The following COP1 variants were observed in gnomAD, a reference collection of about 807,000 sequenced individuals.
COP1 encodes COP1 E3 ubiquitin ligase.
Under a neutral mutation model 101.3 loss-of-function variants are expected in COP1, and 24 were observed. That is an observed-to-expected ratio of 0.24 (90% CI 0.17 to 0.33). COP1 has a LOEUF of 0.33. Among genes scored for constraint, COP1 ranks in the 10% least tolerant of loss-of-function variants. The pLI, the probability that COP1 is intolerant of heterozygous loss-of-function variation, is 1.00. For synonymous variants in COP1, 347 were observed against 341.9 expected (o/e 1.01, Z -0.17); for missense variants, 663 against 906.2 (o/e 0.73, Z 3.45).
chr1:176,001,142 C>G (rs1415994150), intron 15 of COP1, among the ~76,000 whole-genome samples: 4 of 152,066 alleles, frequency 2.6e-5, no homozygotes, highest in African/African-American at 9.7e-5. Context: ...TGAACACTCT[C>G]TTCAAGGCTA....
At chr1:176,051,757 C>T (rs1301862136) in intron 11 of COP1, among the ~76,000 whole-genome samples, 2 of 151,742 alleles carry the variant, frequency 1.3e-5, no homozygotes, top group African/African-American at 2.4e-5. Flanking sequence ...CGTATGTAGG[C>T]CTAGGCTAAT....
At chr1:176,023,742 AAAG>A (rs1226295672) in intron 15 of COP1, among the ~76,000 whole-genome samples, 1 of 151,440 alleles carries the variant, frequency 6.6e-6, no homozygotes, top group East Asian at 1.9e-4. Context: ...AAAAAAAAGA[AAAG>A]AAAAGAAAAG....
chr1:176,165,905 T>G (rs1450214984), intron 3 of COP1, among the ~76,000 whole-genome samples: 1 of 152,072 alleles, frequency 6.6e-6, no homozygotes, highest in Non-Finnish European at 1.5e-5. Context: ...TCAGTGGGAA[T>G]AAAGAGGAGT....
intron 1 of COP1, among the ~76,000 whole-genome samples, chr1:176,192,627 G>A (rs528894864): frequency 3.9e-5 from 6 of 152,170 alleles, no homozygotes; most frequent in African/African-American, 1.4e-4. Flanking sequence ...TCACATTTCA[G>A]AAGAGTACCC....
intron 18 of COP1, among the ~76,000 whole-genome samples, chr1:175,966,723 T>A (rs1288645445): frequency 2.0e-5 from 3 of 152,224 alleles, no homozygotes; most frequent in Non-Finnish European, 4.4e-5. Flanking sequence ...ATACATTACA[T>A]TTCAAATGTC....
chr1:176,177,033 T>A (rs888937636), intron 2 of COP1, among the ~76,000 whole-genome samples: 12 of 152,166 alleles, frequency 7.9e-5, no homozygotes, highest in African/African-American at 2.9e-4. Flanking sequence ...AATACAAGGT[T>A]ATCTGTAAAT....
intron 5 of COP1, among the ~76,000 whole-genome samples, chr1:176,151,391 AAGAAAG>A (rs1165324611): frequency 1.6e-5 from 2 of 125,442 alleles, no homozygotes; most frequent in African/African-American, 5.1e-5. Context: ...GAAAGAAAGA[AAGAAAG>A]AAAGAAAGAA....
chr1:176,051,875 T>C (rs1388507978), intron 11 of COP1, among the ~76,000 whole-genome samples: 1 of 152,142 alleles, frequency 6.6e-6, no homozygotes, highest in Non-Finnish European at 1.5e-5. Flanking sequence ...AGTTGTTCAA[T>C]GTGTGTTTTT....
chr1:176,016,806 T>G (rs1010323601), intron 15 of COP1, among the ~76,000 whole-genome samples: 6 of 152,114 alleles, frequency 3.9e-5, no homozygotes, highest in Non-Finnish European at 8.8e-5. Flanking sequence ...CAAAAAAATT[T>G]ATCTACTTAA....
chr1:176,099,159 G>A (rs1218165418), intron 9 of COP1, among the ~76,000 whole-genome samples: 1 of 152,078 alleles, frequency 6.6e-6, no homozygotes, highest in Non-Finnish European at 1.5e-5. Flanking sequence ...GACAATTGCT[G>A]TCTTGTTTTG....
At chr1:176,159,470 A>G (rs1693961125) in intron 5 of COP1, among the ~76,000 whole-genome samples, 1 of 152,204 alleles carries the variant, frequency 6.6e-6, no homozygotes. Context: ...CAAATATTTA[A>G]TAAGATTAAA....
At chr1:175,952,233 C>A (rs374102687) in intron 18 of COP1, among the ~76,000 whole-genome samples, 2 of 151,656 alleles carry the variant, frequency 1.3e-5, no homozygotes, top group East Asian at 3.9e-4. Flanking sequence ...AGCAGCCTGG[C>A]CAACATGGTG....
At chr1:175,965,872 G>A (rs1213653121) in intron 18 of COP1, among the ~76,000 whole-genome samples, 2 of 151,992 alleles carry the variant, frequency 1.3e-5, no homozygotes, top group Non-Finnish European at 2.9e-5. Context: ...GTGAGCCACC[G>A]CACCCAGCCA....
At chr1:176,166,092 T>C (rs993707780) in intron 3 of COP1, among the ~76,000 whole-genome samples, 1 of 152,154 alleles carries the variant, frequency 6.6e-6, no homozygotes, top group African/African-American at 2.4e-5. Context: ...CAAGAGCAAC[T>C]CTATTAACTA....
intron 14 of COP1, among the ~76,000 whole-genome samples, chr1:176,042,860 C>T (rs1445736573): frequency 6.6e-6 from 1 of 151,336 alleles, no homozygotes; most frequent in Non-Finnish European, 1.5e-5. Flanking sequence ...GAAACCCCAT[C>T]TCTACCAAAA....
At chr1:176,127,578 T>C (rs1688214400) in intron 8 of COP1, among the ~76,000 whole-genome samples, 1 of 120,888 alleles carries the variant, frequency 8.3e-6, no homozygotes, top group Admixed American at 9.6e-5. Context: ...TGTGTGTGTG[T>C]GTGTGTGTGT....
chr1:176,187,402 CGTGTGTGTGTGTGT>C (rs35205766), intron 1 of COP1, among the ~76,000 whole-genome samples: 3 of 149,232 alleles, frequency 2.0e-5, no homozygotes, highest in Non-Finnish European at 3.0e-5. Context: ...TATAAATATA[CGTGTGTGTGTGTGT>C]GTGTGTGTGT....
intron 18 of COP1, among the ~76,000 whole-genome samples, chr1:175,951,404 G>A (rs1649874070): frequency 7.7e-6 from 1 of 129,960 alleles, no homozygotes; most frequent in African/African-American, 2.8e-5. Context: ...ATAGGTATAA[G>A]TATATACAAT....
intron 19 of COP1, among the ~76,000 whole-genome samples, chr1:175,946,778 T>A (rs988159091): frequency 6.6e-6 from 1 of 152,186 alleles, no homozygotes; most frequent in Non-Finnish European, 1.5e-5. Context: ...AGGAAGAGAA[T>A]AAAATATGAC....
Sources: gnomAD v4.1 joint callset for allele counts (sites outside exome capture counted in the v4.1 genomes callset) on GRCh38, gnomAD v4.1.1 for gene constraint, MANE v1.5 for transcripts, NCBI Gene and HGNC (gene_info 2026-07-23, HGNC 2026-07-21) for gene names.